Variants in TBC1D4 observed in about 807,000 individuals in gnomAD.
TBC1D4 encodes TBC (Tre-2, BUB2, CDC16) domain-containing protein.
TBC1D4 carries 121 observed loss-of-function variants against 142.5 expected under a neutral mutation model. The ratio of observed to expected loss-of-function variants is 0.85; its 90% confidence interval spans 0.73 to 0.99. The LOEUF is 0.99. Among genes scored for constraint, TBC1D4 ranks in the 50% least tolerant of loss-of-function variants. The pLI is 0.00. For missense variants in TBC1D4, 1,475 were observed against 1,606.6 expected (o/e 0.92, Z 1.40); for synonymous variants, 630 against 628.2 (o/e 1.00, Z -0.04).
At chr13:75,443,904 C>T (rs1051669574) in intron 1 of TBC1D4, among the ~76,000 whole-genome samples, 1 of 151,406 alleles carries the variant, frequency 6.6e-6, no homozygotes, top group African/African-American at 2.4e-5. Flanking sequence ...AAGATACAGA[C>T]GTGACAACAG....
chr13:75,407,699 C>A (rs1885409347), intron 1 of TBC1D4, among the ~76,000 whole-genome samples: 1 of 152,078 alleles, frequency 6.6e-6, no homozygotes, highest in Non-Finnish European at 1.5e-5. Flanking sequence ...ATGGCCTGCC[C>A]ATGGGAGCAC....
In TBC1D4 at chr13:75,284,364, A is replaced by G. The variant is rs1198760648; in HGVS notation, c.*2428T>C. Among the ~76,000 whole-genome samples, 1 of 152,220 alleles carries G rather than the reference A, an allele frequency of 6.6e-6. No individual in the cohort carries two copies. Among genetic ancestry groups the G allele is most frequent in the African/African-American group, 2.4e-5 (1 of 41,456 alleles). ...TGGGAACCCTGACTGTTTTCCTGCA[A>G]CTAGACGATCCCATCTGGGGATGAT... On this transcript the variant is annotated 3_prime_UTR_variant, in exon 21 of 21. Coordinates refer to ENST00000377636, the MANE Select transcript of TBC1D4 (RefSeq NM_014832.5).
At chr13:75,475,628 T>C (rs1305887374) in intron 1 of TBC1D4, among the ~76,000 whole-genome samples, 1 of 152,222 alleles carries the variant, frequency 6.6e-6, no homozygotes, top group South Asian at 2.1e-4. Flanking sequence ...ATGAGGTAAA[T>C]AATATACCAG....
intron 1 of TBC1D4, among the ~76,000 whole-genome samples, chr13:75,455,313 T>C (rs12868705): frequency 2.6e-5 from 4 of 152,140 alleles, no homozygotes; most frequent in Non-Finnish European, 5.9e-5. Context: ...AACCCTATGG[T>C]TATAAGTCAA....
chr13:75,324,544 A>G (rs1182128926), intron 10 of TBC1D4, 143 bp from the exon 11 acceptor site: 3 of 969,824 alleles, frequency 3.1e-6, no homozygotes, highest in Non-Finnish European at 4.6e-6. Context: ...ACATGAAAAA[A>G]AAAGAAGAAG....
chr13:75,415,125 CAAA>C (rs35852438), intron 1 of TBC1D4, among the ~76,000 whole-genome samples: 3 of 128,844 alleles, frequency 2.3e-5, no homozygotes. Context: ...CTCCATCTCA[CAAA>C]AAAAAAAAAA....
At chr13:75,350,764 T>C (rs929118848) in intron 4 of TBC1D4, among the ~76,000 whole-genome samples, 1 of 152,168 alleles carries the variant, frequency 6.6e-6, no homozygotes, top group African/African-American at 2.4e-5. Context: ...GTAAAAGGTA[T>C]CTAGTAGAAA....
chr13:75,321,596 T>C (rs1471629905), intron 11 of TBC1D4, among the ~76,000 whole-genome samples: 1 of 152,220 alleles, frequency 6.6e-6, no homozygotes, highest in African/African-American at 2.4e-5. Flanking sequence ...AATTAAAAAT[T>C]CTCCAATCTT....
At chr13:75,320,794 C>A (rs1878687947) in intron 11 of TBC1D4, among the ~76,000 whole-genome samples, 1 of 145,240 alleles carries the variant, frequency 6.9e-6, no homozygotes, top group South Asian at 2.2e-4. Context: ...GAGGCTGAGG[C>A]GGGCGGATCA....
chr13:75,343,820 ATTTTT>A, intron 5 of TBC1D4, among the ~76,000 whole-genome samples: 1 of 149,314 alleles, frequency 6.7e-6, no homozygotes. Flanking sequence ...TTTTGTGTTT[ATTTTT>A]ATTTTATTTT....
rs983385735 is a variant in TBC1D4 at position 75,283,632 on chromosome 13, T to G, written c.*3160A>C. On this transcript the variant is annotated 3_prime_UTR_variant, in exon 21 of 21. Transcript: ENST00000377636. The stretch of plus-strand genomic sequence containing the variant: ...AATTATCTGCGTCCAGTTGGAAAAT[T>G]TTGTATTTTCTTGTGGCTCTCTCTC... 3.3e-5 allele frequency among the ~76,000 whole-genome samples: 5 copies of G among 152,210 alleles called. No homozygotes were observed. Among genetic ancestry groups the G allele is most frequent in the African/African-American group, 1.2e-4 (5 of 41,460 alleles).
chr13:75,303,950 A>G (rs1876876391), intron 15 of TBC1D4, among the ~76,000 whole-genome samples: 1 of 152,076 alleles, frequency 6.6e-6, no homozygotes, highest in African/African-American at 2.4e-5. Flanking sequence ...TTTTCTTTTG[A>G]AGCTCTCCCT....
At chr13:75,331,488 A>G (rs1214196790) in intron 8 of TBC1D4, among the ~76,000 whole-genome samples, 1 of 152,186 alleles carries the variant, frequency 6.6e-6, no homozygotes, top group Non-Finnish European at 1.5e-5. Flanking sequence ...TGACAGAGCA[A>G]GACCCTATCT....
At chr13:75,290,134 C>T (rs1357734721) in intron 19 of TBC1D4, among the ~76,000 whole-genome samples, 14 of 151,862 alleles carry the variant, frequency 9.2e-5, no homozygotes, top group Admixed American at 9.2e-4. Flanking sequence ...TCAGGTTCCA[C>T]AATAGTATAT....
At chr13:75,350,628 G>A (rs1433668065) in intron 4 of TBC1D4, among the ~76,000 whole-genome samples, 1 of 152,092 alleles carries the variant, frequency 6.6e-6, no homozygotes, top group Admixed American at 6.6e-5. Flanking sequence ...AAAGCTATTT[G>A]TGCAGATGTT....
At chr13:75,450,948 G>T (rs963779290) in intron 1 of TBC1D4, among the ~76,000 whole-genome samples, 1 of 152,138 alleles carries the variant, frequency 6.6e-6, no homozygotes, top group Non-Finnish European at 1.5e-5. Context: ...CTATCAATAG[G>T]AAGAGTCCAG....
At chr13:75,421,195 C>T (rs1422019630) in intron 1 of TBC1D4, among the ~76,000 whole-genome samples, 2 of 152,190 alleles carry the variant, frequency 1.3e-5, no homozygotes, top group African/African-American at 2.4e-5. Context: ...ACTTCTCACT[C>T]ACTGTGTGCA....
At chr13:75,361,835 C>T (rs1288456936) in intron 2 of TBC1D4, among the ~76,000 whole-genome samples, 191 bp downstream of exon 2, 7 of 152,258 alleles carry the variant, frequency 4.6e-5, no homozygotes, top group African/African-American at 1.7e-4. Flanking sequence ...CCACACTCCA[C>T]GTCTGCCTCT....
At chr13:75,473,509 G>A (rs1484484345) in intron 1 of TBC1D4, among the ~76,000 whole-genome samples, 1 of 152,194 alleles carries the variant, frequency 6.6e-6, no homozygotes, top group Non-Finnish European at 1.5e-5. Context: ...CTAACTTAGA[G>A]AATTTTTAAA....
Sources: gnomAD v4.1 joint callset for allele counts (sites outside exome capture counted in the v4.1 genomes callset) on GRCh38, gnomAD v4.1.1 for gene constraint, MANE v1.5 for transcripts, NCBI Gene and HGNC (gene_info 2026-07-23, HGNC 2026-07-21) for gene names.